TENM3: variants seen among roughly 807,000 people sequenced by gnomAD.
TENM3 encodes the protein teneurin-3.
In TENM3, 63 loss-of-function variants were observed where a neutral mutation model predicts 255.1. The ratio of observed to expected loss-of-function variants is 0.25; its 90% CI spans 0.20 to 0.30. The LOEUF (loss-of-function observed/expected upper bound fraction) is 0.30. TENM3 is among the 10% of genes least tolerant of loss of function. The pLI is 1.00. For missense variants in TENM3, 2,929 were observed against 3,461.1 expected (o/e 0.85, Z 3.86); for synonymous variants, 1,306 against 1,322.3 (o/e 0.99, Z 0.27).
intron 3 of TENM3, among the ~76,000 whole-genome samples, chr4:182,464,864 A>T (rs1232565451): frequency 6.6e-6 from 1 of 152,034 alleles, no homozygotes; most frequent in Non-Finnish European, 1.5e-5. Context: ...GACTAATAAA[A>T]TTTTTTTGCT....
intron 6 of TENM3, among the ~76,000 whole-genome samples, chr4:182,657,716 C>G (rs866284297): frequency 6.6e-6 from 1 of 152,164 alleles, no homozygotes; most frequent in Non-Finnish European, 1.5e-5. Context: ...TGCAGTGGCA[C>G]AGTCACAGCT....
chr4:181,814,208 A>G, the TENM3 span, among the ~76,000 whole-genome samples: 1 of 152,304 alleles, frequency 6.6e-6, no homozygotes. Flanking sequence ...AGACACATGT[A>G]AAACAAATCA....
chr4:182,032,776 T>C, the TENM3 span, among the ~76,000 whole-genome samples: 1 of 152,304 alleles, frequency 6.6e-6, no homozygotes, highest in African/African-American at 2.4e-5. Context: ...TGATTCTGTC[T>C]TGGGAGGTGT....
chr4:182,092,142 C>A, the TENM3 span, among the ~76,000 whole-genome samples: 4 of 152,080 alleles, frequency 2.6e-5, no homozygotes, highest in Non-Finnish European at 5.9e-5. Flanking sequence ...GAGTTCAAAA[C>A]CAGCCTGGCC....
At chr4:181,945,477 G>C in the TENM3 span, among the ~76,000 whole-genome samples, 5 of 152,100 alleles carry the variant, frequency 3.3e-5, no homozygotes, top group African/African-American at 9.6e-5. Context: ...TTGGCCTAAG[G>C]CTATTTAACG....
At chr4:181,670,651 G>A in the TENM3 span, among the ~76,000 whole-genome samples, 1 of 152,166 alleles carries the variant, frequency 6.6e-6, no homozygotes, top group Non-Finnish European at 1.5e-5. Flanking sequence ...ATTCAACACT[G>A]TAGGTATTAC....
chr4:182,374,730 T>A (rs1465629158), intron 3 of TENM3, among the ~76,000 whole-genome samples: 1 of 152,198 alleles, frequency 6.6e-6, no homozygotes, highest in Non-Finnish European at 1.5e-5. Flanking sequence ...TTTCTTCCTG[T>A]CTTTTGTCCT....
chr4:182,093,065 T>C, the TENM3 span, among the ~76,000 whole-genome samples: 1,693 of 152,266 alleles, frequency 0.011, 60 homozygotes, highest in East Asian at 0.13. Context: ...ATGGGTTAAG[T>C]AAACCAAAAT....
chr4:182,597,229 C>A (rs113754576), intron 3 of TENM3, among the ~76,000 whole-genome samples: 4 of 152,020 alleles, frequency 2.6e-5, no homozygotes, highest in Non-Finnish European at 5.9e-5. Flanking sequence ...ATAGGGAAAC[C>A]CCATCTCGAC....
the TENM3 span, among the ~76,000 whole-genome samples, chr4:181,841,953 T>G: frequency 6.6e-6 from 1 of 152,192 alleles, no homozygotes; most frequent in African/African-American, 2.4e-5. Context: ...GTTTTATAGA[T>G]AAAGTGGCCT....
At chr4:181,994,841 C>T in the TENM3 span, among the ~76,000 whole-genome samples, 1 of 152,050 alleles carries the variant, frequency 6.6e-6, no homozygotes, top group African/African-American at 2.4e-5. Context: ...ATGTAATTGT[C>T]CTTCACAACC....
At chr4:181,491,509 C>A in the TENM3 span, among the ~76,000 whole-genome samples, 1 of 151,904 alleles carries the variant, frequency 6.6e-6, no homozygotes, top group African/African-American at 2.4e-5. Flanking sequence ...GGTTATTCCT[C>A]ATATTTCTCA....
the TENM3 span, among the ~76,000 whole-genome samples, chr4:181,760,870 C>G: frequency 1.3e-5 from 2 of 151,836 alleles, no homozygotes; most frequent in Non-Finnish European, 2.9e-5. Flanking sequence ...ATTATTTCTT[C>G]TGACATCTTA....
upstream of TENM3, among the ~76,000 whole-genome samples, chr4:182,240,540 G>A (rs1362697522): frequency 1.3e-5 from 2 of 152,176 alleles, no homozygotes; most frequent in Non-Finnish European, 2.9e-5. Flanking sequence ...TAGACCATGT[G>A]TCATCAGCAT....
At chr4:181,987,274 CT>C in the TENM3 span, among the ~76,000 whole-genome samples, 1 of 152,102 alleles carries the variant, frequency 6.6e-6, no homozygotes, top group African/African-American at 2.4e-5. Flanking sequence ...TCCCAAGCCC[CT>C]GGCAATCAGG....
At chr4:182,527,681 G>A (rs1391720303) in intron 3 of TENM3, among the ~76,000 whole-genome samples, 1 of 152,052 alleles carries the variant, frequency 6.6e-6, no homozygotes, top group Middle Eastern at 3.2e-3. Flanking sequence ...TCTCACCTGT[G>A]TAAATAAGGA....
At chr4:182,773,187 C>T (rs1004647860) in intron 22 of TENM3, among the ~76,000 whole-genome samples, 2 of 152,170 alleles carry the variant, frequency 1.3e-5, no homozygotes, top group African/African-American at 2.4e-5. Flanking sequence ...CCCTTTGAAA[C>T]AGCAAATTAG....
chr4:182,742,777 C>T (rs1761707764), intron 18 of TENM3, among the ~76,000 whole-genome samples: 1 of 152,156 alleles, frequency 6.6e-6, no homozygotes. Context: ...TAAGGCTGCA[C>T]CTCAGACAAA....
intron 22 of TENM3, 129 bp downstream of exon 22, chr4:182,755,388 G>C (rs1762652504): frequency 1.0e-6 from 1 of 979,712 alleles, no homozygotes; most frequent in Admixed American, 3.1e-5. Flanking sequence ...TGTAATTTTT[G>C]GATCCCGGCT....
Sources: allele counts gnomAD v4.1 joint callset (sites outside exome capture counted in the v4.1 genomes callset), GRCh38; gene constraint gnomAD v4.1.1; transcripts MANE v1.5; gene names NCBI Gene and HGNC (gene_info 2026-07-23, HGNC 2026-07-21).